CNOT3: variants seen among roughly 807,000 people sequenced by gnomAD.
The protein encoded by CNOT3 is CCR4-NOT transcription complex subunit 3.
Under a neutral mutation model 89.4 loss-of-function variants are expected in CNOT3, and 2 were observed. The ratio of observed to expected loss-of-function variants is 0.02; its 90% confidence interval spans 0.01 to 0.07. The LOEUF is 0.07. CNOT3 is among the 10% of genes least tolerant of loss of function. The pLI, the probability that CNOT3 is intolerant of heterozygous loss-of-function variation, is 1.00. For missense variants in CNOT3, 664 were observed against 1,010.2 expected, an observed-to-expected ratio of 0.66 and a Z score of 4.65; for synonymous variants, 486 against 402.0, an observed-to-expected ratio of 1.21 and a Z score of -2.50.
At chr19:54,143,414 T>A in intron 3 of CNOT3, 28 bp from the exon 4 acceptor site, 1 of 1,611,818 alleles carries the variant, frequency 6.2e-7, no homozygotes, top group Non-Finnish European at 8.5e-7. Flanking sequence ...CCTCCCACAC[T>A]GACTTCTCAA....
At chr19:54,142,240 T>G (rs1482601636) in intron 1 of CNOT3, 3 of 152,476 alleles carry the variant, frequency 2.0e-5, no homozygotes, top group African/African-American at 7.3e-5. Flanking sequence ...GGTATTAGCT[T>G]CTTTGGGTTA....
chr19:54,146,014 A>G lies in CNOT3; in HGVS notation c.808A>G (p.Ile270Val). Residue 270 changes from isoleucine to valine, a missense_variant, in exon 9 of 18, where the codon ATC (isoleucine) becomes GTC (valine). By Grantham distance (29) the Ile-to-Val change is conservative (BLOSUM62 3). Around this residue, in one of 8 missense-constraint regions of CNOT3, gnomAD observed 545 missense variants for 566.2 expected, o/e 0.96. Transcript: ENST00000221232. ...CACCTCAACCACCTCCAGCTCTCCCATCCCGCCCAGCCCAGCCAACTGTAC... is the reference window on the plus strand; with the variant it reads ...CACCTCAACCACCTCCAGCTCTCCCGTCCCGCCCAGCCCAGCCAACTGTAC... ...TPTSTTSSSP[I>V]PPSPANCTTE... 1.3e-6 allele frequency: 2 copies of G among 1,577,902 alleles called. No homozygotes were observed. Among genetic ancestry groups the G allele is most frequent in the Non-Finnish European group, 1.7e-6 (2 of 1,151,470 alleles).
Position 54,143,519 on chromosome 19 carries a change from G to A in CNOT3, c.168+3G>A, listed in dbSNP as rs1452583898. On this transcript the variant is annotated splice_donor_region_variant and intron_variant, in intron 4 of 17. Transcript: ENST00000221232. ...AGAAGGAGATTAAGAAGCTACAAGTGAGGGGGCTGGGGGCCTGGACGCCTT... is the reference window on the plus strand; with the variant it reads ...AGAAGGAGATTAAGAAGCTACAAGTAAGGGGGCTGGGGGCCTGGACGCCTT... 2 of 1,613,936 alleles carry A rather than the reference G, an allele frequency of 1.2e-6. No homozygotes were observed. Among genetic ancestry groups the A allele is most frequent in the African/African-American group, 2.7e-5 (2 of 74,924 alleles).
At chr19:54,151,824 C>T (rs1205603778) in intron 13 of CNOT3, among the ~76,000 whole-genome samples, 1 of 152,236 alleles carries the variant, frequency 6.6e-6, no homozygotes, top group Non-Finnish European at 1.5e-5. Context: ...CTGCCTCCTT[C>T]AAGACAGGCG....
At chr19:54,149,136 G>C (rs987065314) in intron 12 of CNOT3, among the ~76,000 whole-genome samples, 2 of 152,168 alleles carry the variant, frequency 1.3e-5, no homozygotes, top group African/African-American at 4.8e-5. Flanking sequence ...TCTTAGCTCA[G>C]ACCATTCCAC....
chr19:54,141,506 T>C (rs1482077269), intron 1 of CNOT3: 2 of 152,206 alleles, frequency 1.3e-5, no homozygotes, highest in Admixed American at 1.3e-4. Context: ...TAGTAACTAG[T>C]TAAAAATGAA....
At chr19:54,150,478 G>A (rs2075013476) in intron 13 of CNOT3, among the ~76,000 whole-genome samples, 1 of 152,208 alleles carries the variant, frequency 6.6e-6, no homozygotes, top group Non-Finnish European at 1.5e-5. Flanking sequence ...GGATAGGACG[G>A]TGGGGTCCTG....
Position 54,148,139 on chromosome 19 carries a change from C to T in CNOT3, c.895-9C>T. 3 of 1,487,274 alleles carry T rather than the reference C, an allele frequency of 2.0e-6. No individual in the cohort carries two copies. The highest frequency in any genetic ancestry group is 2.4e-5 in the Admixed American group (1 of 41,906). The allele number at this position is 1,487,274 out of a possible 1,614,324, so 92.1% of individuals were successfully genotyped here. ...TGGGTCCTGACCCTCTGCTCTCTCC[C>T]ACCCGCAGTCTCCAGCCAAAAACGG... On this transcript the variant is annotated splice_polypyrimidine_tract_variant and intron_variant, in intron 10 of 17. Transcript: ENST00000221232. This position sits in a 1 kb window ranked among gnomAD's most constrained non-coding sequence, Gnocchi z 6.3.
chr19:54,145,316 G>A lies in CNOT3; in HGVS notation c.484-282G>A, dbSNP rs971363022. The stretch of plus-strand genomic sequence containing the variant: ...GCAGATGGAGGCCAAGTCGTGGGAT[G>A]GCACAAGGACCTCTGGGTCTTTTAG... On this transcript the variant is annotated intron_variant, in intron 7 of 17. Transcript: ENST00000221232. The surrounding 1 kb of genome is among the most constrained non-coding windows in gnomAD (Gnocchi z 5.9). 3.9e-5 allele frequency among the ~76,000 whole-genome samples: 6 copies of A among 152,118 alleles called. No individual in the cohort carries two copies. Among genetic ancestry groups the A allele is most frequent in the Admixed American group, 2.0e-4 (3 of 15,282 alleles).
chr19:54,146,506 A>G (rs2074680115), intron 9 of CNOT3, 95 bp from the exon 10 acceptor site: 9 of 767,762 alleles, frequency 1.2e-5, no homozygotes, highest in Admixed American at 3.5e-5. Context: ...ATGGCAGTCA[A>G]TTGGGCCCAG....
Position 54,145,442 on chromosome 19 carries a change from G to T in CNOT3, c.484-156G>T. On this transcript the variant is annotated intron_variant, in intron 7 of 17. Coordinates refer to ENST00000221232, the MANE Select transcript of CNOT3 (RefSeq NM_014516.4). This position sits in a 1 kb window ranked among gnomAD's most constrained non-coding sequence, Gnocchi z 5.9. The stretch of plus-strand genomic sequence containing the variant: ...AAGATTGGTCCCCACAGGGCTCAGA[G>T]GGTGGGTGGACCCCATACTGCCCCA... 1.6e-6 allele frequency: 1 copy of T among 618,918 alleles called. No homozygotes were observed. The allele number at this position is 618,918 out of a possible 1,614,324, so 38.3% of individuals were successfully genotyped here.
chr19:54,143,108 T>C lies in CNOT3; in HGVS notation c.26-11T>C. 1 of 1,613,860 alleles carries C rather than the reference T, an allele frequency of 6.2e-7. No homozygotes were observed. The highest frequency in any genetic ancestry group is 8.5e-7 in the Non-Finnish European group (1 of 1,179,836). On this transcript the variant is annotated splice_polypyrimidine_tract_variant and intron_variant, in intron 2 of 17. Transcript: ENST00000221232. ...GGCAGGATTCTCACAGCCTTGTTCC[T>C]CCCTGGCCAGGTGAGATTGATCGCT... is the stretch of plus-strand genomic sequence containing the variant.
rs3037339 is a variant in CNOT3, at chr19:54,142,433, TACAC to T, written c.-50-481_-50-478del. On this transcript the variant is annotated intron_variant, in intron 1 of 17. Transcript: ENST00000221232. Reference sequence around the variant, plus strand: ...AATCTTTCTTCTCCTACCTACAGCTTACACACACACACACACACGCCCTTCTCTG... The same window carrying T: ...AATCTTTCTTCTCCTACCTACAGCTTACACACACACACACGCCCTTCTCTG... 8.2e-3 allele frequency: 1,040 copies of T among 126,712 alleles called. 14 individuals are homozygous for T. Among genetic ancestry groups the T allele is most frequent in the African/African-American group, 0.031 (962 of 31,536 alleles). 7.8% of individuals were successfully genotyped at this position (126,712 alleles called of 1,614,324 possible).
intron 13 of CNOT3, among the ~76,000 whole-genome samples, chr19:54,149,963 T>C (rs1219912690): frequency 6.6e-6 from 1 of 152,090 alleles, no homozygotes; most frequent in Non-Finnish European, 1.5e-5. Flanking sequence ...ATACCTCCTC[T>C]CTTGTTCCCT....
intron 13 of CNOT3, among the ~76,000 whole-genome samples, chr19:54,150,914 CTG>C (rs1310242119): frequency 6.6e-6 from 1 of 151,988 alleles, no homozygotes; most frequent in East Asian, 1.9e-4. Flanking sequence ...CCGCAGCCTA[CTG>C]AGTAGCTGGG....
Position 54,144,399 on chromosome 19 carries a change from G to A in CNOT3, c.483+67G>A. ...ATGGGAATGGGCTGGCCAGCAGGAG[G>A]CCAGTCATTTATGCTCCTGGGAGTT... On this transcript the variant is annotated intron_variant, in intron 7 of 17. Transcript: ENST00000221232. This position sits in a 1 kb window ranked among gnomAD's most constrained non-coding sequence, Gnocchi z 4.8. The A allele has an allele frequency of 1.7e-6, 2 of 1,208,986 alleles. No homozygotes were observed. The highest frequency in any genetic ancestry group is 1.2e-5 in the South Asian group (1 of 80,898). The allele number at this position is 1,208,986 out of a possible 1,614,324, so 74.9% of individuals were successfully genotyped here.
chr19:54,146,176 C>G, intron 9 of CNOT3, 133 bp downstream of exon 9: 2 of 957,644 alleles, frequency 2.1e-6, no homozygotes, highest in Non-Finnish European at 3.1e-6. Flanking sequence ...AGGGTCTAGG[C>G]TCTTGGAGCA....
chr19:54,153,813 C>A lies in CNOT3; in HGVS notation c.2136C>A (p.Pro712=). ...TGTGGTTCCAGAGGCACGAGGAGCC[C>A]AAGACCATCACTGACGAGTTTGAGC... ...YMMWFQRHEE[P]KTITDEFEQG... The change falls in exon 17 of 18, where the codon CCC becomes CCA. Residue 712 remains proline (P), a synonymous_variant. Transcript: ENST00000221232. 6.2e-7 allele frequency: 1 copy of A among 1,614,220 alleles called. No homozygotes were observed. Among genetic ancestry groups the A allele is most frequent in the South Asian group, 1.1e-5 (1 of 91,080 alleles).
At chr19:54,143,226 A>G (rs745661438) in intron 3 of CNOT3, 40 bp downstream of exon 3, 4 of 1,570,904 alleles carry the variant, frequency 2.5e-6, no homozygotes, top group South Asian at 2.2e-5. Context: ...GTCTTCAGAG[A>G]GGAGGGCACA....
Sources: gnomAD v4.1 joint callset for allele counts (sites outside exome capture counted in the v4.1 genomes callset) on GRCh38, gnomAD v4.1.1 for gene constraint, gnomAD v4.1.1 regional missense constraint, Gnocchi (gnomAD v3.1) non-coding constraint, MANE v1.5 for transcripts, NCBI Gene and HGNC (gene_info 2026-07-23, HGNC 2026-07-21) for gene names.